MICU3: variants seen among roughly 807,000 people sequenced by gnomAD.
MICU3 encodes the protein mitochondrial calcium uptake 3.
In MICU3, 62 loss-of-function variants were observed where a neutral mutation model predicts 66.5. The ratio of observed to expected loss-of-function variants is 0.93; its 90% CI spans 0.76 to 1.15. MICU3 has a LOEUF of 1.15. Among genes scored for constraint, MICU3 ranks in the 50% most tolerant of loss-of-function variants. The pLI is 0.00. For missense variants in MICU3, 779 were observed against 664.4 expected (o/e 1.17, Z -1.90); for synonymous variants, 308 against 240.7 (o/e 1.28, Z -2.59).
intron 1 of MICU3, among the ~76,000 whole-genome samples, chr8:17,062,637 T>C (rs935452130): frequency 2.0e-5 from 3 of 152,228 alleles, no homozygotes; most frequent in Non-Finnish European, 4.4e-5. Context: ...TTTTTTCTTA[T>C]ATGAAATCAT....
chr8:17,074,628 TG>T (rs1820109247), intron 3 of MICU3, among the ~76,000 whole-genome samples: 1 of 151,354 alleles, frequency 6.6e-6, no homozygotes, highest in Non-Finnish European at 1.5e-5. Flanking sequence ...TGTGTGTGTG[TG>T]TGTGTTTAAC....
At chr8:17,106,466 A>C (rs1801745970) in intron 11 of MICU3, among the ~76,000 whole-genome samples, 1 of 151,752 alleles carries the variant, frequency 6.6e-6, no homozygotes, top group Non-Finnish European at 1.5e-5. Flanking sequence ...TACTTCCCTA[A>C]AAATAAATAT....
rs374940831 is a variant in MICU3 at position 17,028,839 on chromosome 8, A to G, written c.381+1179A>G. Among the ~76,000 whole-genome samples, 14 of 152,294 alleles carry G rather than the reference A, an allele frequency of 9.2e-5. 1 individual carries two copies. The East Asian group carries it at 2.7e-3, about 29-fold the overall frequency. ...ACTTTTGTGGCTTGGCAAGGAGCAT[A>G]GCGTTTTTCATGATGGCAGAACTTT... is the stretch of plus-strand genomic sequence containing the variant. On this transcript the variant is annotated intron_variant, in intron 1 of 14. Coordinates refer to ENST00000318063, the MANE Select transcript of MICU3 (RefSeq NM_181723.3).
chr8:17,116,792 A>C (rs993513835), intron 13 of MICU3, among the ~76,000 whole-genome samples, 192 bp downstream of exon 13: 40 of 152,194 alleles, frequency 2.6e-4, no homozygotes, highest in Non-Finnish European at 4.4e-4. Flanking sequence ...TGCTTTTTAA[A>C]AAATGTGAAA....
At chr8:17,132,514 A>G in the MICU3 span, 4 of 152,340 alleles carry the variant, frequency 2.6e-5, no homozygotes, top group African/African-American at 7.2e-5. Context: ...GGTTACAGAC[A>G]TAGTCTTCCT....
At chr8:17,049,350 A>G (rs1815656905) in intron 1 of MICU3, among the ~76,000 whole-genome samples, 1 of 152,112 alleles carries the variant, frequency 6.6e-6, no homozygotes, top group Admixed American at 6.5e-5. Context: ...GGTTCTAGAT[A>G]TTTATAAACT....
At chr8:17,098,274 A>G (rs1239266891) in intron 8 of MICU3, among the ~76,000 whole-genome samples, 184 bp from the exon 9 acceptor site, 1 of 151,826 alleles carries the variant, frequency 6.6e-6, no homozygotes, top group Non-Finnish European at 1.5e-5. Flanking sequence ...ACACCTTTGA[A>G]AGTATGTGAG....
chr8:17,069,920 G>T (rs1242302628), intron 3 of MICU3, among the ~76,000 whole-genome samples: 1 of 151,928 alleles, frequency 6.6e-6, no homozygotes, highest in Non-Finnish European at 1.5e-5. Flanking sequence ...CTAAGGGCTG[G>T]TGAAAATGTA....
At position 17,121,759 on chromosome 8, in the gene MICU3, C is replaced by T. The variant is rs1326593184; in HGVS notation, c.*1472C>T. The stretch of plus-strand genomic sequence containing the variant: ...TTGATTTTGTATGTTAGACTTTTTA[C>T]ATTGTTTATCTAATATTATTTATGA... On this transcript the variant is annotated 3_prime_UTR_variant, in exon 15 of 15. Coordinates refer to ENST00000318063, the MANE Select transcript of MICU3 (RefSeq NM_181723.3). The T allele has an allele frequency of 7.9e-5, 12 of 152,060 alleles. No individual in the cohort carries two copies. The highest frequency in any genetic ancestry group is 7.2e-4 in the Admixed American group (11 of 15,230). 9.4% of individuals were successfully genotyped at this position (152,060 alleles called of 1,614,324 possible). A position where few individuals can be genotyped will look rare whatever the true frequency, so the allele number is the denominator to read the frequency against.
chr8:17,057,706 A>C (rs1028530406), intron 1 of MICU3, among the ~76,000 whole-genome samples: 2 of 152,130 alleles, frequency 1.3e-5, no homozygotes, highest in African/African-American at 4.8e-5. Flanking sequence ...AGTATGTAAC[A>C]CTGAATTGAT....
At chr8:17,036,652 C>T (rs1813047384) in intron 1 of MICU3, among the ~76,000 whole-genome samples, 1 of 152,180 alleles carries the variant, frequency 6.6e-6, no homozygotes, top group South Asian at 2.1e-4. Context: ...AGTCACAAAC[C>T]TTGAGCTAGA....
intron 8 of MICU3, among the ~76,000 whole-genome samples, chr8:17,097,722 A>C (rs982543499): frequency 6.6e-6 from 1 of 151,614 alleles, no homozygotes; most frequent in African/African-American, 2.4e-5. Context: ...AACTGGGTTT[A>C]ATTATTTTTG....
intron 12 of MICU3, among the ~76,000 whole-genome samples, chr8:17,114,926 C>T (rs954993810): frequency 6.6e-6 from 1 of 151,686 alleles, no homozygotes; most frequent in Non-Finnish European, 1.5e-5. Flanking sequence ...GAGACCATCC[C>T]GGCTAAAACG....
intron 8 of MICU3, among the ~76,000 whole-genome samples, chr8:17,094,563 C>T (rs1177422447): frequency 2.6e-5 from 4 of 151,852 alleles, no homozygotes; most frequent in South Asian, 2.1e-4. Context: ...GTTTTGCATT[C>T]GATCTGTTGC....
At chr8:17,128,573 C>T in the MICU3 span, among the ~76,000 whole-genome samples, 3 of 152,166 alleles carry the variant, frequency 2.0e-5, no homozygotes, top group Non-Finnish European at 4.4e-5. Context: ...GAAATCAAAA[C>T]CTCCATTGGA....
chr8:17,136,891 A>G, the MICU3 span, among the ~76,000 whole-genome samples: 1 of 151,210 alleles, frequency 6.6e-6, no homozygotes, highest in Admixed American at 6.6e-5. Flanking sequence ...CTGGAGTGCA[A>G]TGGCGTGATC....
In MICU3 at chr8:17,083,375, A is replaced by G. The variant is rs182832523; in HGVS notation, c.694+1635A>G. ...GCTCCAGCTGCATGACTCCTAAACC[A>G]TAATTTCTAATCTTGTGGCTAATTT... On this transcript the variant is annotated intron_variant, in intron 5 of 14. Coordinates refer to ENST00000318063, the MANE Select transcript of MICU3 (RefSeq NM_181723.3). 6.8e-4 allele frequency among the ~76,000 whole-genome samples: 103 copies of G among 152,222 alleles called. No homozygotes were observed. In the East Asian group the frequency reaches 0.016, roughly 23 times the overall value.
chr8:17,082,885 A>G (rs948836525), intron 5 of MICU3, among the ~76,000 whole-genome samples: 2 of 152,110 alleles, frequency 1.3e-5, no homozygotes, highest in African/African-American at 4.8e-5. Flanking sequence ...GTGTACATGC[A>G]CTCACATATG....
At chr8:17,051,668 G>T (rs1382128207) in intron 1 of MICU3, among the ~76,000 whole-genome samples, 1 of 152,180 alleles carries the variant, frequency 6.6e-6, no homozygotes, top group African/African-American at 2.4e-5. Flanking sequence ...GCCACCAACT[G>T]TGTCAAATGC....
Sources: allele counts gnomAD v4.1 joint callset (sites outside exome capture counted in the v4.1 genomes callset), GRCh38; gene constraint gnomAD v4.1.1; transcripts MANE v1.5; gene names NCBI Gene and HGNC (gene_info 2026-07-23, HGNC 2026-07-21).